ACSL1: variants seen among roughly 807,000 people sequenced by gnomAD.
The protein encoded by ACSL1 is long-chain-fatty-acid--CoA ligase 1.
Under a neutral mutation model 98.4 loss-of-function variants are expected in ACSL1, and 41 were observed. The observed-to-expected ratio is 0.42, with a 90% CI of 0.32 to 0.54. The LOEUF is 0.54. Among genes scored for constraint, ACSL1 ranks in the 20% least tolerant of loss-of-function variants. The probability of loss-of-function intolerance (pLI) is 0.13; values close to 1 mark genes in which losing one functional copy is unlikely to be tolerated. For missense variants in ACSL1, 734 were observed against 883.1 expected, an observed-to-expected ratio of 0.83 and a Z score of 2.14; for synonymous variants, 316 against 322.7, an observed-to-expected ratio of 0.98 and a Z score of 0.22.
rs1034705544 is a variant in ACSL1, at chr4:184,803,927, G to A, written c.-32-381C>T. Among the ~76,000 whole-genome samples the A allele has an allele frequency of 6.6e-6, 1 of 152,054 alleles. No homozygotes were observed. The highest frequency in any genetic ancestry group is 1.9e-4 in the East Asian group (1 of 5,194). ...TCCATCCACCTAATCAAAAACACTC[G>A]ACTCTCATTGTCAAGGCTAATGGGA... On this transcript the variant is annotated intron_variant, in intron 1 of 20. Coordinates refer to ENST00000281455, the MANE Select transcript of ACSL1 (RefSeq NM_001995.5). This position sits in a 1 kb window ranked among gnomAD's most constrained non-coding sequence, Gnocchi z 4.8.
intron 1 of ACSL1, among the ~76,000 whole-genome samples, chr4:184,809,550 T>C (rs1347766245): frequency 6.6e-6 from 1 of 152,142 alleles, no homozygotes; most frequent in Non-Finnish European, 1.5e-5. Context: ...CCCAGCACTT[T>C]GGGAGGCCGA....
chr4:184,776,407 T>A lies in ACSL1; in HGVS notation c.756+77A>T, dbSNP rs1419477598. The A allele has an allele frequency of 5.1e-5, 76 of 1,495,564 alleles. No individual in the cohort carries two copies. In the South Asian group the frequency reaches 9.9e-4, roughly 19 times the overall value. 92.6% of individuals were successfully genotyped at this position (1,495,564 alleles called of 1,614,324 possible). A position where few individuals can be genotyped will look rare whatever the true frequency, so the allele number is the denominator to read the frequency against. ...GCTGGGACTGCACCATAGCACTAGA[T>A]AGCACTGGATAGCACGTGTGAGCCA... On this transcript the variant is annotated intron_variant, in intron 7 of 20. Coordinates refer to ENST00000281455, the MANE Select transcript of ACSL1 (RefSeq NM_001995.5).
At chr4:184,797,162 GCTCAC>G (rs200183709) in intron 2 of ACSL1, among the ~76,000 whole-genome samples, 20,484 of 151,948 alleles carry the variant, frequency 0.13, 1,449 homozygotes, top group African/African-American at 0.16. Flanking sequence ...AACAGCTCCC[GCTCAC>G]AGCGGGCCCC....
chr4:184,768,512 G>A (rs1763979112), intron 11 of ACSL1, 62 bp from the exon 12 acceptor site: 1 of 1,548,424 alleles, frequency 6.5e-7, no homozygotes, highest in African/African-American at 1.4e-5. Context: ...ACAACATATG[G>A]ACAACATCCA....
chr4:184,780,384 A>T lies in ACSL1; in HGVS notation c.425T>A (p.Phe142Tyr). The T allele has an allele frequency of 6.2e-7, 1 of 1,613,830 alleles. No individual in the cohort carries two copies. Residue 142 changes from phenylalanine (F) to tyrosine (Y), a missense_variant, in exon 5 of 21, where the codon TTC (phenylalanine) becomes TAC (tyrosine). Transcript: ENST00000281455. ...AATGAACTGATCTGGGGCAGTCTTG[A>T]AGCCCTTCTGGATCAGTGCTGAGCC... is the stretch of plus-strand genomic sequence containing the variant. ...CIGSALIQKGFKTAPDQFIGI... is the reference protein window; with the variant it reads ...CIGSALIQKGYKTAPDQFIGI...
chr4:184,791,376 A>C (rs1768334117), intron 2 of ACSL1, among the ~76,000 whole-genome samples: 1 of 152,232 alleles, frequency 6.6e-6, no homozygotes, highest in Admixed American at 6.5e-5. Context: ...ATGAACAGAC[A>C]GAAGCAAGCC....
At position 184,783,850 on chromosome 4, in the gene ACSL1, C is replaced by G; in HGVS notation, c.375+77G>C. On this transcript the variant is annotated intron_variant, in intron 4 of 20. Transcript: ENST00000281455. ...AGCACATACACTCTGGAGAAACCTTCCGGCTCCAAGAATGCACATACAGAA... is the reference window on the plus strand; with the variant it reads ...AGCACATACACTCTGGAGAAACCTTGCGGCTCCAAGAATGCACATACAGAA... The G allele has an allele frequency of 2.2e-6, 3 of 1,369,958 alleles. No homozygotes were observed. The East Asian group carries it at 6.9e-5, about 32-fold the overall frequency. 84.9% of individuals were successfully genotyped at this position (1,369,958 alleles called of 1,614,324 possible). A position where few individuals can be genotyped will look rare whatever the true frequency, so the allele number is the denominator to read the frequency against.
chr4:184,774,153 A>G (rs1452407658), intron 7 of ACSL1, among the ~76,000 whole-genome samples: 1 of 152,156 alleles, frequency 6.6e-6, no homozygotes, highest in Non-Finnish European at 1.5e-5. Context: ...GGATGTATTA[A>G]AAAAACAGCA....
At position 184,773,055 on chromosome 4, in the gene ACSL1, A is replaced by AAG; in HGVS notation, c.915+24_915+25dup. On this transcript the variant is annotated intron_variant, in intron 10 of 20. Transcript: ENST00000281455. The surrounding 1 kb of genome is among the most constrained non-coding windows in gnomAD (Gnocchi z 4.3). ...AAGGACTAATGTCAATCAATGAGGAAAGATGACGACATCCCAAAAAGTTAC... is the reference window on the plus strand; with the variant it reads ...AAGGACTAATGTCAATCAATGAGGAAAGAGATGACGACATCCCAAAAAGTTAC... 6.2e-7 allele frequency: 1 copy of AAG among 1,604,164 alleles called. No homozygotes were observed. Among genetic ancestry groups the AAG allele is most frequent in the South Asian group, 1.1e-5 (1 of 90,866 alleles).
At chr4:184,812,183 G>A in intron 1 of ACSL1, 1 of 985,288 alleles carries the variant, frequency 1.0e-6, no homozygotes, top group Non-Finnish European at 1.2e-6. Context: ...TAGTACCTAT[G>A]TAGATGCTTC....
intron 1 of ACSL1, chr4:184,814,902 A>G: frequency 2.6e-6 from 1 of 386,124 alleles, no homozygotes; most frequent in South Asian, 1.9e-5. Flanking sequence ...AAGGAGTCAC[A>G]CCACAAAAAA....
chr4:184,810,997 G>C (rs1772005528), intron 1 of ACSL1, among the ~76,000 whole-genome samples: 1 of 152,208 alleles, frequency 6.6e-6, no homozygotes. Flanking sequence ...TGAAGCCAAA[G>C]CCCACAGACC....
In ACSL1 at chr4:184,768,434, T is replaced by C. The variant is rs757603690; in HGVS notation, c.1010A>G (p.His337Arg). Reference sequence around the variant, plus strand: ...TTGGAAAAATCCGATTTTAGCTCCATGACACAGCATTACACACTATAGGGG... The same window carrying C: ...TTGGAAAAATCCGATTTTAGCTCCACGACACAGCATTACACACTATAGGGG... ...ERVVECVMLC[H>R]GAKIGFFQGD... The change falls in exon 12 of 21, where the codon CAT becomes CGT. Residue 337 changes from histidine (H) to arginine (R), a missense_variant. Coordinates refer to ENST00000281455, the MANE Select transcript of ACSL1 (RefSeq NM_001995.5). 12 of 1,613,614 alleles carry C rather than the reference T, an allele frequency of 7.4e-6. No individual in the cohort carries two copies. The South Asian group carries it at 1.1e-4, about 15-fold the overall frequency.
intron 1 of ACSL1, among the ~76,000 whole-genome samples, chr4:184,823,461 T>C (rs1280123554): frequency 6.6e-6 from 1 of 152,176 alleles, no homozygotes; most frequent in Non-Finnish European, 1.5e-5. Flanking sequence ...AAACTAAACA[T>C]TCCTCTAAGG....
At chr4:184,772,161 T>C (rs530629680) in intron 10 of ACSL1, among the ~76,000 whole-genome samples, 16 of 152,346 alleles carry the variant, frequency 1.1e-4, no homozygotes, top group African/African-American at 3.8e-4. Context: ...TGAAGGCCAA[T>C]TAGGAAATTA....
intron 1 of ACSL1, among the ~76,000 whole-genome samples, chr4:184,819,956 G>T (rs1011807539): frequency 2.6e-5 from 4 of 152,166 alleles, no homozygotes; most frequent in African/African-American, 9.7e-5. Flanking sequence ...CACAGAGAGG[G>T]TCAGAATAAG....
Position 184,757,768 on chromosome 4 carries a change from C to T in ACSL1, c.1884+51G>A, listed in dbSNP as rs760855972. ...AGAGGTCCCTGAATATCTACAGGTA[C>T]ATTTAATGCCAAGTTATGATGAGGA... is the stretch of plus-strand genomic sequence containing the variant. On this transcript the variant is annotated intron_variant, in intron 19 of 20. Coordinates refer to ENST00000281455, the MANE Select transcript of ACSL1 (RefSeq NM_001995.5). This position sits in a 1 kb window ranked among gnomAD's most constrained non-coding sequence, Gnocchi z 4.5. 2 of 1,610,880 alleles carry T rather than the reference C, an allele frequency of 1.2e-6. No individual in the cohort carries two copies. The highest frequency in any genetic ancestry group is 1.7e-6 in the Non-Finnish European group (2 of 1,177,196).
At chr4:184,783,787 G>A (rs778085041) in intron 4 of ACSL1, 140 bp downstream of exon 4, 5 of 767,970 alleles carry the variant, frequency 6.5e-6, no homozygotes, top group Non-Finnish European at 1.1e-5. Flanking sequence ...GTTTCTCCTT[G>A]GATGCCCCAT....
intron 1 of ACSL1, among the ~76,000 whole-genome samples, chr4:184,822,616 G>A (rs1334848939): frequency 6.6e-6 from 1 of 152,184 alleles, no homozygotes; most frequent in Admixed American, 6.6e-5. Context: ...ATGTGCGCCT[G>A]TAGTCTAAGC....
Sources: allele counts gnomAD v4.1 joint callset (sites outside exome capture counted in the v4.1 genomes callset), GRCh38; gene constraint gnomAD v4.1.1; non-coding constraint Gnocchi (gnomAD v3.1); transcripts MANE v1.5; gene names NCBI Gene and HGNC (gene_info 2026-07-23, HGNC 2026-07-21).